The following PRSS16 variants were observed in gnomAD, a reference collection of about 807,000 sequenced individuals.
PRSS16 encodes thymus-specific serine protease.
PRSS16 carries 43 observed loss-of-function variants against 61.7 expected under a neutral mutation model. That is an observed-to-expected ratio of 0.70 (90% CI 0.55 to 0.90). The LOEUF (loss-of-function observed/expected upper bound fraction) is 0.90, where lower values mean the gene tolerates loss of function less well. Among genes scored for constraint, PRSS16 ranks in the 40% least tolerant of loss-of-function variants. The probability of loss-of-function intolerance (pLI) is 0.00; values close to 1 mark genes in which losing one functional copy is unlikely to be tolerated. For missense variants in PRSS16, 591 were observed against 659.1 expected (o/e 0.90, Z 1.13); for synonymous variants, 273 against 285.2 (o/e 0.96, Z 0.43).
rs761730367 is a variant in PRSS16, at chr6:27,247,886, C to T, written c.75C>T (p.Ser25=). 26 of 1,609,094 alleles carry T rather than the reference C, an allele frequency of 1.6e-5. No homozygotes were observed. The highest frequency in any genetic ancestry group is 2.2e-5 in the Non-Finnish European group (26 of 1,177,794). Residue 25 remains serine, a synonymous_variant, in exon 2 of 12, where the codon TCC becomes TCT. Transcript: ENST00000230582. The part of the protein sequence containing the change: ...VSLWGLLAPA[S]LLRRLGEHIQ... ...CCTTCCCTCCATGTCCCACAGCCTC[C>T]CTTCTTAGGCGCCTGGGTGAGCACA...
chr6:27,255,013 G>A lies in PRSS16; in HGVS notation c.1358G>A (p.Ser453Asn), dbSNP rs756088944. 1 of 1,613,386 alleles carries A rather than the reference G, an allele frequency of 6.2e-7. No individual in the cohort carries two copies. The highest frequency in any genetic ancestry group is 1.1e-5 in the South Asian group (1 of 91,054). The stretch of plus-strand genomic sequence containing the variant: ...GACACAGACCCCTGGCATGTGCTAA[G>A]TGTAACACAGGCTTTAGGATCCTCA... Reference protein sequence around the residue: ...NGDTDPWHVLSVTQALGSSES... With the variant: ...NGDTDPWHVLNVTQALGSSES... The change falls in exon 11 of 12, where the codon AGT becomes AAT. Residue 453 changes from serine (S) to asparagine (N), a missense_variant. Transcript: ENST00000230582. The surrounding 1 kb of genome is among the most constrained non-coding windows in gnomAD (Gnocchi z 4.4).
Position 27,251,782 on chromosome 6 carries a change from A to G in PRSS16, c.750A>G (p.Glu250=). 2 of 1,608,836 alleles carry G rather than the reference A, an allele frequency of 1.2e-6. No homozygotes were observed. Among genetic ancestry groups the G allele is most frequent in the Non-Finnish European group, 1.7e-6 (2 of 1,178,850 alleles). Residue 250 remains glutamate, a synonymous_variant, in exon 8 of 12, where the codon GAA becomes GAG. Transcript: ENST00000230582. The surrounding 1 kb of genome is among the most constrained non-coding windows in gnomAD (Gnocchi z 5.6). Reference sequence around the variant, plus strand: ...CGGCGGTGTCCGTCGCCTTCGCTGAAGTGGAGCGGCGGCTGCGCTCGGGTG... The same window carrying G: ...CGGCGGTGTCCGTCGCCTTCGCTGAGGTGGAGCGGCGGCTGCGCTCGGGTG... ...CRAAVSVAFA[E]VERRLRSGGA...
intron 5 of PRSS16, 76 bp downstream of exon 5, chr6:27,250,882 C>T (rs1033335763): frequency 5.8e-6 from 9 of 1,555,640 alleles, no homozygotes; most frequent in Middle Eastern, 1.9e-4. Context: ...AATAGGAATA[C>T]CCTCCCACCA....
rs573251399 is a variant in PRSS16, at chr6:27,249,330, C to G, written c.467+101C>G. ...TCTCTCCTCCACTGTCTGAAGTCAA[C>G]CTCTGAGTCTCTGGTTCCCTCTGTT... On this transcript the variant is annotated intron_variant, in intron 4 of 11. Coordinates refer to ENST00000230582, the MANE Select transcript of PRSS16 (RefSeq NM_005865.4). 10 of 1,408,128 alleles carry G rather than the reference C, an allele frequency of 7.1e-6. No homozygotes were observed. The African/African-American group carries it at 8.6e-5, about 12-fold the overall frequency. 87.2% of individuals were successfully genotyped at this position (1,408,128 alleles called of 1,614,324 possible).
intron 2 of PRSS16, 72 bp downstream of exon 2, chr6:27,248,120 C>A: frequency 6.6e-7 from 1 of 1,505,030 alleles, no homozygotes; most frequent in Admixed American, 2.2e-5. Context: ...CTTCCTCAGT[C>A]TGCACTTTTT....
At position 27,251,607 on chromosome 6, in the gene PRSS16, G is replaced by GGGGGCCTGGGGGCC; in HGVS notation, c.718-133_718-132insGGCCGGGGCCTGGG. 9.2e-7 allele frequency: 1 copy of GGGGGCCTGGGGGCC among 1,083,606 alleles called. No individual in the cohort carries two copies. 67.1% of individuals were successfully genotyped at this position (1,083,606 alleles called of 1,614,324 possible). On this transcript the variant is annotated intron_variant, in intron 7 of 11. Transcript: ENST00000230582. This position sits in a 1 kb window ranked among gnomAD's most constrained non-coding sequence, Gnocchi z 5.6. ...GGATTGGGGGCGGGGGCCTGGGGGC[G>GGGGGCCTGGGGGCC]GGGGCCTGGGCCAAGAGCTAGGTCT...
At chr6:27,253,448 C>A (rs1323247591) in intron 9 of PRSS16, 2 of 441,468 alleles carry the variant, frequency 4.5e-6, no homozygotes, top group Non-Finnish European at 9.0e-6. Context: ...TTTTCACTTC[C>A]TCTGTACAAT....
intron 2 of PRSS16, among the ~76,000 whole-genome samples, chr6:27,248,537 C>T (rs1418810072): frequency 6.6e-6 from 1 of 152,134 alleles, no homozygotes; most frequent in Admixed American, 6.6e-5. Flanking sequence ...CTAAATCCAT[C>T]TGCATTTATT....
chr6:27,247,753 G>C lies in PRSS16; in HGVS notation c.16G>C (p.Ala6Pro), dbSNP rs762736813. The C allele has an allele frequency of 1.3e-6, 2 of 1,583,460 alleles. No homozygotes were observed. Among genetic ancestry groups the C allele is most frequent in the African/African-American group, 2.7e-5 (2 of 74,104 alleles). The change falls in exon 1 of 12, where the codon GCC becomes CCC. Residue 6 changes from alanine (A) to proline (P), a missense_variant. Ala to Pro is a conservative substitution (Grantham distance 27, BLOSUM62 -1). Coordinates refer to ENST00000230582, the MANE Select transcript of PRSS16 (RefSeq NM_005865.4). The part of the protein sequence containing the change: MAVWL[A>P]QWLGPLLLVS... ...CCCGAACACCATGGCCGTCTGGCTT[G>C]CCCAGTGGCTGGGCCCTCTGCTCTT...
intron 9 of PRSS16, chr6:27,254,467 G>A (rs1759984555): frequency 2.0e-6 from 1 of 508,372 alleles, no homozygotes; most frequent in African/African-American, 1.9e-5. Flanking sequence ...AGCCCATCAT[G>A]TTTCCTCTGG....
At position 27,252,239 on chromosome 6, in the gene PRSS16, C is replaced by T. The variant is rs572122639; in HGVS notation, c.1008+199C>T. The T allele has an allele frequency of 9.2e-6, 6 of 655,044 alleles. No homozygotes were observed. Among genetic ancestry groups the T allele is most frequent in the Non-Finnish European group, 1.5e-5 (6 of 409,766 alleles). 40.6% of individuals were successfully genotyped at this position (655,044 alleles called of 1,614,324 possible). ...AGAGCAATCAGCTGGGAGCCTGGCA[C>T]ACAGTGTGCGAATGTTAGAGACTGC... On this transcript the variant is annotated intron_variant, in intron 8 of 11. Coordinates refer to ENST00000230582, the MANE Select transcript of PRSS16 (RefSeq NM_005865.4). This position sits in a 1 kb window ranked among gnomAD's most constrained non-coding sequence, Gnocchi z 4.2.
chr6:27,249,166 G>A lies in PRSS16; in HGVS notation c.404G>A (p.Gly135Asp). The stretch of plus-strand genomic sequence containing the variant: ...ATAAGCCTGGAACACAGATTTTATG[G>A]CCTGAGTATACCTGCTGGAGGCCTG... ...LVISLEHRFY[G>D]LSIPAGGLEM... Residue 135 changes from glycine to aspartate, a missense_variant, in exon 4 of 12, where the codon GGC becomes GAC. Transcript: ENST00000230582. The A allele has an allele frequency of 1.2e-6, 2 of 1,611,234 alleles. No individual in the cohort carries two copies. Among genetic ancestry groups the A allele is most frequent in the African/African-American group, 1.4e-5 (1 of 73,932 alleles).
chr6:27,254,615 G>A, intron 9 of PRSS16, 78 bp from the exon 10 acceptor site: 2 of 1,375,322 alleles, frequency 1.5e-6, no homozygotes. Flanking sequence ...CATCACTGAG[G>A]AAAGCTTTGA....
Position 27,255,160 on chromosome 6 carries a change from G to A in PRSS16, c.1476+29G>A. The A allele has an allele frequency of 6.2e-7, 1 of 1,614,064 alleles. No individual in the cohort carries two copies. Among genetic ancestry groups the A allele is most frequent in the Non-Finnish European group, 8.5e-7 (1 of 1,179,986 alleles). The stretch of plus-strand genomic sequence containing the variant: ...AGAGAAAAAAGGCTCTGAATCATTT[G>A]CATTCTCATTTGAATAATCACTTGC... On this transcript the variant is annotated intron_variant, in intron 11 of 11. Coordinates refer to ENST00000230582, the MANE Select transcript of PRSS16 (RefSeq NM_005865.4). The surrounding 1 kb of genome is among the most constrained non-coding windows in gnomAD (Gnocchi z 4.4).
chr6:27,247,713 G>A lies in PRSS16; in HGVS notation c.-25G>A, dbSNP rs749709119. The A allele has an allele frequency of 2.6e-6, 4 of 1,554,400 alleles. No individual in the cohort carries two copies. The highest frequency in any genetic ancestry group is 2.6e-6 in the Non-Finnish European group (3 of 1,148,622). ...CTGAGGATAAGATAAAGGTCCTCCT[G>A]GGGGAGAACAGAGTCCCGAACACCA... On this transcript the variant is annotated 5_prime_UTR_variant, in exon 1 of 12. Coordinates refer to ENST00000230582, the MANE Select transcript of PRSS16 (RefSeq NM_005865.4).
intron 9 of PRSS16, chr6:27,253,636 A>G (rs1181335560): frequency 8.6e-6 from 2 of 231,686 alleles, no homozygotes; most frequent in South Asian, 5.1e-5. Context: ...GCATGTCCCA[A>G]ATACTACATA....
At position 27,252,312 on chromosome 6, in the gene PRSS16, C is replaced by T. The variant is rs1759934626; in HGVS notation, c.1008+272C>T. The T allele has an allele frequency of 8.5e-6, 4 of 469,180 alleles. No homozygotes were observed. The South Asian group carries it at 1.5e-4, about 18-fold the overall frequency. The allele number at this position is 469,180 out of a possible 1,614,324, so 29.1% of individuals were successfully genotyped here. A position where few individuals can be genotyped will look rare whatever the true frequency, so the allele number is the denominator to read the frequency against. ...CCTGTCCTGTTCTCTTTTGGGGGGC[C>T]TGCAGGAGTGCCTGGCACATGGCAA... On this transcript the variant is annotated intron_variant, in intron 8 of 11. Transcript: ENST00000230582. This position sits in a 1 kb window ranked among gnomAD's most constrained non-coding sequence, Gnocchi z 4.2.
rs1759939160 is a variant in PRSS16, at chr6:27,252,567, T to C, written c.1009-241T>C. Among the ~76,000 whole-genome samples the C allele has an allele frequency of 6.6e-6, 1 of 152,114 alleles. No homozygotes were observed. Among genetic ancestry groups the C allele is most frequent in the Non-Finnish European group, 1.5e-5 (1 of 68,030 alleles). On this transcript the variant is annotated intron_variant, in intron 8 of 11. Transcript: ENST00000230582. The surrounding 1 kb of genome is among the most constrained non-coding windows in gnomAD (Gnocchi z 4.2). ...CCACTTACAGAAAAGGAAACTGAAG[T>C]CTGAAAGATTATCACTTGCCCAAGC...
chr6:27,252,115 G>C lies in PRSS16; in HGVS notation c.1008+75G>C, dbSNP rs1400147802. The C allele has an allele frequency of 2.8e-6, 4 of 1,411,764 alleles. No homozygotes were observed. The African/African-American group carries it at 4.4e-5, about 15-fold the overall frequency. 87.5% of individuals were successfully genotyped at this position (1,411,764 alleles called of 1,614,324 possible). On this transcript the variant is annotated intron_variant, in intron 8 of 11. Transcript: ENST00000230582. This position sits in a 1 kb window ranked among gnomAD's most constrained non-coding sequence, Gnocchi z 4.2. ...GCCCCACTTCCGTTGTGTGATCTTGGGCAAGCGAGAACCTTCTCTGAAACT... is the reference window on the plus strand; with the variant it reads ...GCCCCACTTCCGTTGTGTGATCTTGCGCAAGCGAGAACCTTCTCTGAAACT...
Sources: gnomAD v4.1 joint callset for allele counts (sites outside exome capture counted in the v4.1 genomes callset) on GRCh38, gnomAD v4.1.1 for gene constraint, Gnocchi (gnomAD v3.1) non-coding constraint, MANE v1.5 for transcripts, NCBI Gene and HGNC (gene_info 2026-07-23, HGNC 2026-07-21) for gene names.